CEMIP: variants seen among roughly 807,000 people sequenced by gnomAD.
CEMIP encodes cell migration inducing hyaluronidase 1, also known as cell migration-inducing and hyaluronan-binding protein.
A neutral mutation model predicts 156.9 loss-of-function variants in CEMIP; 105 were observed. The observed-to-expected ratio is 0.67, with a 90% CI of 0.57 to 0.79. The LOEUF is 0.79. CEMIP is among the 30% of genes least tolerant of loss of function. CEMIP has a pLI of 0.00. For synonymous variants in CEMIP, 676 were observed against 668.4 expected, an observed-to-expected ratio of 1.01 and a Z score of -0.17; for missense variants, 1,457 against 1,769.4, an observed-to-expected ratio of 0.82 and a Z score of 3.17.
chr15:80,784,379 C>A (rs1895873555), intron 1 of CEMIP, among the ~76,000 whole-genome samples: 1 of 152,164 alleles, frequency 6.6e-6, no homozygotes, highest in East Asian at 1.9e-4. Flanking sequence ...GGAGGGAGGG[C>A]CACAGGCTTC....
chr15:80,823,295 A>G (rs1473631167), intron 1 of CEMIP, among the ~76,000 whole-genome samples: 1 of 152,184 alleles, frequency 6.6e-6, no homozygotes, highest in East Asian at 1.9e-4. Context: ...GATGGCAACT[A>G]GCTTCAGACA....
At chr15:80,907,150 T>G (rs1336600171) in intron 13 of CEMIP, among the ~76,000 whole-genome samples, 1 of 152,256 alleles carries the variant, frequency 6.6e-6, no homozygotes, top group African/African-American at 2.4e-5. Context: ...ATTTCATGAT[T>G]ACTTCATTAT....
chr15:80,796,038 A>G (rs1896214874), intron 1 of CEMIP, among the ~76,000 whole-genome samples: 3 of 152,208 alleles, frequency 2.0e-5, no homozygotes. Flanking sequence ...ACCAGAAAAT[A>G]TTTTCATAAA....
Position 80,789,836 on chromosome 15 carries a change from A to C in CEMIP, c.-176+10222A>C, listed in dbSNP as rs1269517429. ...TTTTACTTTAAACATCTCCATATAA[A>C]ATTTATTTAAATAAAAAGCTATTTT... On this transcript the variant is annotated intron_variant, in intron 1 of 29. Transcript: ENST00000394685. Among the ~76,000 whole-genome samples, 3 of 152,354 alleles carry C rather than the reference A, an allele frequency of 2.0e-5. No homozygotes were observed. In the East Asian group the frequency reaches 5.8e-4, roughly 29 times the overall value.
At chr15:80,914,610 C>T (rs1900195147) in intron 14 of CEMIP, among the ~76,000 whole-genome samples, 1 of 152,204 alleles carries the variant, frequency 6.6e-6, no homozygotes, top group South Asian at 2.1e-4. Context: ...AGGGCCCTCT[C>T]TCCTGGACTC....
intron 1 of CEMIP, among the ~76,000 whole-genome samples, chr15:80,859,068 T>G (rs1160056944): frequency 6.6e-6 from 1 of 152,218 alleles, no homozygotes; most frequent in Non-Finnish European, 1.5e-5. Flanking sequence ...TCCCAGTAGT[T>G]CCAGCCAATG....
chr15:80,946,804 C>T, intron 28 of CEMIP, 161 bp from the exon 29 acceptor site: 1 of 676,056 alleles, frequency 1.5e-6, no homozygotes, highest in Non-Finnish European at 2.7e-6. Flanking sequence ...AAGAGCCCGT[C>T]AGCTCAGAAC....
chr15:80,779,975 G>C (rs1303338153), intron 1 of CEMIP, among the ~76,000 whole-genome samples: 1 of 152,114 alleles, frequency 6.6e-6, no homozygotes, highest in African/African-American at 2.4e-5. Flanking sequence ...CTTGCGCCCG[G>C]GAGAGTGTCT....
chr15:80,815,452 T>G (rs1250756972), intron 1 of CEMIP, among the ~76,000 whole-genome samples: 1 of 152,246 alleles, frequency 6.6e-6, no homozygotes, highest in Non-Finnish European at 1.5e-5. Context: ...GAGGATTAGA[T>G]GAAGTAACAT....
Position 80,873,704 on chromosome 15 carries a change from C to A in CEMIP, c.-17+8C>A. The stretch of plus-strand genomic sequence containing the variant: ...CAGCTGGGGAAGCCACTGGTGAGGA[C>A]GCTGCACTGGAGTGTGGGCTGGCTG... On this transcript the variant is annotated splice_region_variant and intron_variant, in intron 2 of 29. Transcript: ENST00000394685. 1 of 624,840 alleles carries A rather than the reference C, an allele frequency of 1.6e-6. No homozygotes were observed. The highest frequency in any genetic ancestry group is 2.9e-6 in the Non-Finnish European group (1 of 342,482). 38.7% of individuals were successfully genotyped at this position (624,840 alleles called of 1,614,324 possible).
Position 80,798,123 on chromosome 15 carries a change from C to T in CEMIP, c.-176+18509C>T, listed in dbSNP as rs567026258. On this transcript the variant is annotated intron_variant, in intron 1 of 29. Transcript: ENST00000394685. ...ATATAAGCCATATAACCGTGTATTT[C>T]CTTATCACTTGGAAAGTACAGAAAT... 9.3e-4 allele frequency among the ~76,000 whole-genome samples: 141 copies of T among 152,214 alleles called. 1 individual carries two copies. In the South Asian group the frequency reaches 0.017, roughly 18 times the overall value.
intron 1 of CEMIP, among the ~76,000 whole-genome samples, chr15:80,846,560 G>T (rs1897564321): frequency 6.6e-6 from 1 of 152,190 alleles, no homozygotes; most frequent in Admixed American, 6.5e-5. Context: ...CTTCTCACCG[G>T]GGTGGTACTG....
intron 10 of CEMIP, among the ~76,000 whole-genome samples, chr15:80,891,436 G>A (rs1899029328): frequency 6.6e-6 from 1 of 152,164 alleles, no homozygotes; most frequent in Non-Finnish European, 1.5e-5. Flanking sequence ...TTGCCATATT[G>A]CAAGACCTAG....
intron 13 of CEMIP, among the ~76,000 whole-genome samples, chr15:80,907,976 T>A (rs73500484): frequency 6.6e-6 from 1 of 152,176 alleles, no homozygotes; most frequent in African/African-American, 2.4e-5. Context: ...ATGGGGGCCC[T>A]ACTGGCATTT....
At position 80,849,348 on chromosome 15, in the gene CEMIP, C is replaced by G. The variant is rs567487472; in HGVS notation, c.-175-24190C>G. Among the ~76,000 whole-genome samples the G allele has an allele frequency of 2.1e-4, 32 of 151,796 alleles. 1 individual carries two copies. The highest frequency in any genetic ancestry group is 4.1e-4 in the Non-Finnish European group (28 of 67,890). On this transcript the variant is annotated intron_variant, in intron 1 of 29. Coordinates refer to ENST00000394685, the MANE Select transcript of CEMIP (RefSeq NM_001293298.2). ...TCTCCGGACTCACCTATGCAACTGC[C>G]CACTGAGCCTCTACACGGGCCACCT...
Position 80,948,971 on chromosome 15 carries a change from C to T in CEMIP, c.*47C>T, listed in dbSNP as rs199799466. On this transcript the variant is annotated 3_prime_UTR_variant, in exon 30 of 30. Coordinates refer to ENST00000394685, the MANE Select transcript of CEMIP (RefSeq NM_001293298.2). The stretch of plus-strand genomic sequence containing the variant: ...ACCTCGTGGTAGACTATGACGGTGA[C>T]TCTTGGCAGCAGACCAGTGGGGGAT... 3.0e-5 allele frequency: 49 copies of T among 1,612,638 alleles called. No homozygotes were observed. The highest frequency in any genetic ancestry group is 3.9e-5 in the Non-Finnish European group (46 of 1,179,112).
chr15:80,926,113 A>G (rs1900657809), intron 19 of CEMIP, among the ~76,000 whole-genome samples: 1 of 152,206 alleles, frequency 6.6e-6, no homozygotes, highest in Non-Finnish European at 1.5e-5. Flanking sequence ...CCTTGGTTGC[A>G]TTTCTTTCTT....
At chr15:80,848,176 G>A (rs1377382380) in intron 1 of CEMIP, among the ~76,000 whole-genome samples, 1 of 152,208 alleles carries the variant, frequency 6.6e-6, no homozygotes, top group Non-Finnish European at 1.5e-5. Context: ...GCAGGAGACT[G>A]AGGTCTGGAA....
At chr15:80,897,147 G>A (rs1899259467) in intron 12 of CEMIP, 1 of 363,078 alleles carries the variant, frequency 2.8e-6, no homozygotes, top group Non-Finnish European at 5.5e-6. Flanking sequence ...GAACTTAAGA[G>A]GTGTTAAACG....
Sources: gnomAD v4.1 joint callset for allele counts (sites outside exome capture counted in the v4.1 genomes callset) on GRCh38, gnomAD v4.1.1 for gene constraint, MANE v1.5 for transcripts, NCBI Gene and HGNC (gene_info 2026-07-23, HGNC 2026-07-21) for gene names.